The following BRAF variants were observed in gnomAD, a reference collection of about 807,000 sequenced individuals.
The protein encoded by BRAF is serine/threonine-protein kinase B-raf.
Under a neutral mutation model 104.6 loss-of-function variants are expected in BRAF, and 16 were observed. That is an observed-to-expected ratio of 0.15 (90% confidence interval 0.10 to 0.23). The LOEUF is 0.23. Among genes scored for constraint, BRAF ranks in the 10% least tolerant of loss-of-function variants. BRAF has a pLI of 1.00. For synonymous variants in BRAF, 310 were observed against 341.6 expected (o/e 0.91, Z 1.02); for missense variants, 541 against 937.3 (o/e 0.58, Z 5.52).
chr7:140,860,636 G>A (rs1007829130), intron 1 of BRAF, among the ~76,000 whole-genome samples: 4 of 152,110 alleles, frequency 2.6e-5, no homozygotes, highest in Non-Finnish European at 5.9e-5. Flanking sequence ...GGGCAACAGA[G>A]CAAGACCTTG....
intron 3 of BRAF, among the ~76,000 whole-genome samples, chr7:140,817,212 C>T (rs1410504429): frequency 2.6e-5 from 4 of 151,924 alleles, no homozygotes; most frequent in African/African-American, 9.7e-5. Context: ...ACAATAGCTA[C>T]AAATAAAATA....
At position 140,785,110 on chromosome 7, in the gene BRAF, C is replaced by CT. The variant is rs527533092; in HGVS notation, c.1297+578dup. On this transcript the variant is annotated intron_variant, in intron 10 of 19. Transcript: ENST00000644969. ...GAAATATCTAAAATATGTTATAAAT[C>CT]TTTTTTTTGTCTTTTTTAACAGCTC... Among the ~76,000 whole-genome samples, 97 of 151,880 alleles carry CT rather than the reference C, an allele frequency of 6.4e-4. 2 individuals are homozygous for CT. The South Asian group carries it at 0.012, about 19-fold the overall frequency.
At chr7:140,801,145 C>A in intron 6 of BRAF, 1 of 347,798 alleles carries the variant, frequency 2.9e-6, no homozygotes, top group Non-Finnish European at 5.2e-6. Flanking sequence ...AGAAACTATC[C>A]AAAAATGGTT....
chr7:140,899,717 A>G (rs1815384903), intron 1 of BRAF, among the ~76,000 whole-genome samples: 1 of 152,088 alleles, frequency 6.6e-6, no homozygotes, highest in African/African-American at 2.4e-5. Flanking sequence ...AGAAATCTAT[A>G]GGAATTTTTT....
intron 1 of BRAF, among the ~76,000 whole-genome samples, chr7:140,857,638 C>T (rs749285808): frequency 3.6e-4 from 54 of 152,030 alleles, no homozygotes; most frequent in Non-Finnish European, 7.1e-4. Context: ...AAAGTAACAA[C>T]AACACAATGA....
chr7:140,847,986 A>C (rs1267606), intron 2 of BRAF, among the ~76,000 whole-genome samples: 15,080 of 152,266 alleles, frequency 0.099, 830 homozygotes, highest in South Asian at 0.19. Context: ...CTGTTTTACC[A>C]CAAGCTAATA....
At chr7:140,842,390 T>C (rs1017657464) in intron 2 of BRAF, among the ~76,000 whole-genome samples, 1 of 152,206 alleles carries the variant, frequency 6.6e-6, no homozygotes, top group African/African-American at 2.4e-5. Flanking sequence ...ACCTGATACA[T>C]AGTAAATACT....
chr7:140,758,581 T>C (rs533442897), intron 14 of BRAF, among the ~76,000 whole-genome samples: 47 of 152,110 alleles, frequency 3.1e-4, no homozygotes, highest in African/African-American at 1.1e-3. Flanking sequence ...CAGCATCTTG[T>C]GTAGCTGGGA....
At chr7:140,736,232 G>A (rs961709396) in intron 18 of BRAF, among the ~76,000 whole-genome samples, 9 of 150,922 alleles carry the variant, frequency 6.0e-5, no homozygotes, top group East Asian at 2.0e-4. Flanking sequence ...CACCACGCCC[G>A]GATAATTTTG....
At chr7:140,923,899 T>A (rs1181604866) in intron 1 of BRAF, among the ~76,000 whole-genome samples, 3 of 152,088 alleles carry the variant, frequency 2.0e-5, no homozygotes, top group Non-Finnish European at 2.9e-5. Flanking sequence ...GGGTTACCAA[T>A]CAGCGACAGA....
chr7:140,811,081 G>C (rs1260671965), intron 3 of BRAF, among the ~76,000 whole-genome samples: 2 of 152,196 alleles, frequency 1.3e-5, no homozygotes, highest in African/African-American at 4.8e-5. Context: ...ATGAGTTATA[G>C]TAATGTCAGC....
chr7:140,892,817 A>G (rs1229391269), intron 1 of BRAF, among the ~76,000 whole-genome samples: 1 of 152,188 alleles, frequency 6.6e-6, no homozygotes, highest in Non-Finnish European at 1.5e-5. Context: ...ACAATACATC[A>G]GATCAAGTCA....
intron 17 of BRAF, among the ~76,000 whole-genome samples, chr7:140,742,166 G>A (rs899041219): frequency 1.3e-5 from 2 of 151,848 alleles, no homozygotes; most frequent in African/African-American, 2.4e-5. Context: ...CTTTGCCAGA[G>A]GTGTATAGAC....
chr7:140,781,365 T>C (rs1021313254), intron 12 of BRAF: 1 of 563,802 alleles, frequency 1.8e-6, no homozygotes, highest in African/African-American at 1.9e-5. Flanking sequence ...AAATTATTAC[T>C]GTAATAAAAT....
chr7:140,728,958 G>A (rs973794393), intron 19 of BRAF, among the ~76,000 whole-genome samples: 2 of 151,490 alleles, frequency 1.3e-5, no homozygotes, highest in South Asian at 4.2e-4. Flanking sequence ...GGGCACAGTG[G>A]TTCACGCCTA....
intron 1 of BRAF, among the ~76,000 whole-genome samples, chr7:140,874,013 G>T (rs1745147698): frequency 6.6e-6 from 1 of 152,046 alleles, no homozygotes; most frequent in African/African-American, 2.4e-5. Flanking sequence ...AAATTGAGCA[G>T]AAATATTAGT....
chr7:140,883,125 T>C (rs757444349), intron 1 of BRAF, among the ~76,000 whole-genome samples: 2 of 152,184 alleles, frequency 1.3e-5, no homozygotes, highest in Non-Finnish European at 2.9e-5. Flanking sequence ...ACCAAAACAG[T>C]TGATCTTCTT....
chr7:140,771,005 T>C (rs1413760247), intron 14 of BRAF, among the ~76,000 whole-genome samples: 2 of 151,962 alleles, frequency 1.3e-5, no homozygotes, highest in Non-Finnish European at 2.9e-5. Flanking sequence ...AGAGTGAGTT[T>C]ATAATTATCT....
Position 140,881,234 on chromosome 7 carries a change from G to A in BRAF, c.139-31022C>T, listed in dbSNP as rs1193235343. 3.3e-5 allele frequency among the ~76,000 whole-genome samples: 5 copies of A among 152,098 alleles called. No homozygotes were observed. The East Asian group carries it at 9.6e-4, about 29-fold the overall frequency. ...AATTCCAAAGGGCCCTAGGATTTTT[G>A]GAATGATAAATGAGCACTGACTTCA... On this transcript the variant is annotated intron_variant, in intron 1 of 19. Transcript: ENST00000644969.
Sources: gnomAD v4.1 joint callset for allele counts (sites outside exome capture counted in the v4.1 genomes callset) on GRCh38, gnomAD v4.1.1 for gene constraint, MANE v1.5 for transcripts, NCBI Gene and HGNC (gene_info 2026-07-23, HGNC 2026-07-21) for gene names.